The following PCSK5 variants were observed in gnomAD, a reference collection of about 807,000 sequenced individuals.
PCSK5 encodes the protein proprotein convertase subtilisin/kexin type 5.
PCSK5 carries 129 observed loss-of-function variants against 233.2 expected under a neutral mutation model. The ratio of observed to expected loss-of-function variants is 0.55; its 90% CI spans 0.48 to 0.64. The LOEUF is 0.64. Among genes scored for constraint, PCSK5 ranks in the 30% least tolerant of loss-of-function variants. The probability of loss-of-function intolerance (pLI) is 0.00; values close to 1 mark genes in which losing one functional copy is unlikely to be tolerated. For missense variants in PCSK5, 2,076 were observed against 2,430.1 expected, an observed-to-expected ratio of 0.85 and a Z score of 3.06; for synonymous variants, 825 against 879.2, an observed-to-expected ratio of 0.94 and a Z score of 1.09.
intron 4 of PCSK5, among the ~76,000 whole-genome samples, chr9:76,025,651 ATTG>A (rs915891946): frequency 1.3e-5 from 2 of 152,278 alleles, no homozygotes; most frequent in Non-Finnish European, 2.9e-5. Context: ...CTTCTGCCAA[ATTG>A]TTGTAGTGAC....
chr9:76,232,265 C>G (rs547928223), intron 21 of PCSK5, among the ~76,000 whole-genome samples: 1 of 152,314 alleles, frequency 6.6e-6, no homozygotes, highest in East Asian at 1.9e-4. Flanking sequence ...GACATCCTTC[C>G]CTTTCTTCGC....
intron 24 of PCSK5, among the ~76,000 whole-genome samples, chr9:76,260,257 AG>A (rs1827126529): frequency 1.3e-5 from 2 of 152,188 alleles, no homozygotes; most frequent in African/African-American, 4.8e-5. Context: ...CATCTGTAGT[AG>A]GCAGAATAAT....
chr9:76,254,096 C>A (rs1826901384), intron 24 of PCSK5, among the ~76,000 whole-genome samples: 1 of 152,146 alleles, frequency 6.6e-6, no homozygotes, highest in Non-Finnish European at 1.5e-5. Flanking sequence ...GACACTGGCT[C>A]TTAGAGGTTT....
intron 9 of PCSK5, among the ~76,000 whole-genome samples, chr9:76,132,166 G>A (rs369875559): frequency 1.3e-5 from 2 of 152,094 alleles, no homozygotes; most frequent in South Asian, 4.2e-4. Context: ...TCTAATTTCC[G>A]TGACAGTAGT....
At chr9:76,103,240 C>A (rs917053287) in intron 8 of PCSK5, among the ~76,000 whole-genome samples, 1 of 152,164 alleles carries the variant, frequency 6.6e-6, no homozygotes, top group South Asian at 2.1e-4. Context: ...TCTGAAACAG[C>A]TTTCTTGGCA....
At chr9:76,027,084 T>G (rs199755871) in intron 5 of PCSK5, 47 bp downstream of exon 5, 1 of 1,241,602 alleles carries the variant, frequency 8.1e-7, no homozygotes. Flanking sequence ...GCAAGGAGCT[T>G]TGTTTTCTGC....
Position 76,107,223 on chromosome 9 carries a change from A to G in PCSK5, c.1108-28A>G, listed in dbSNP as rs796257106. 11 of 1,509,054 alleles carry G rather than the reference A, an allele frequency of 7.3e-6. No individual in the cohort carries two copies. The African/African-American group carries it at 1.5e-4, about 21-fold the overall frequency. The allele number at this position is 1,509,054 out of a possible 1,614,324, so 93.5% of individuals were successfully genotyped here. ...GCAGGTGACTCACATTGGCCTCAGAAATCTAAACTTTTCACTTTGTTTTCC... is the reference window on the plus strand; with the variant it reads ...GCAGGTGACTCACATTGGCCTCAGAGATCTAAACTTTTCACTTTGTTTTCC... On this transcript the variant is annotated intron_variant, in intron 8 of 37. Coordinates refer to ENST00000674117, the MANE Select transcript of PCSK5 (RefSeq NM_001372043.1).
intron 7 of PCSK5, among the ~76,000 whole-genome samples, chr9:76,089,641 A>G (rs953309317): frequency 6.6e-6 from 1 of 152,232 alleles, no homozygotes; most frequent in East Asian, 1.9e-4. Flanking sequence ...CAAGAAACCT[A>G]GGTCATTTAC....
intron 23 of PCSK5, 100 bp downstream of exon 23, chr9:76,239,265 T>C: frequency 1.0e-6 from 1 of 967,070 alleles, no homozygotes; most frequent in Non-Finnish European, 1.6e-6. Context: ...GGCTTGCATG[T>C]CAGCACTTGG....
At chr9:76,084,879 G>A (rs1444584050) in intron 7 of PCSK5, among the ~76,000 whole-genome samples, 1 of 152,152 alleles carries the variant, frequency 6.6e-6, no homozygotes, top group Non-Finnish European at 1.5e-5. Flanking sequence ...TAGCAGGTTT[G>A]TTTTTCTGCT....
At chr9:76,166,694 A>G (rs2131835813) in intron 12 of PCSK5, among the ~76,000 whole-genome samples, 1 of 152,320 alleles carries the variant, frequency 6.6e-6, no homozygotes, top group African/African-American at 2.4e-5. Context: ...TTATGTGACA[A>G]GTTATTGCTT....
chr9:76,134,339 G>T (rs1822886348), intron 10 of PCSK5, 127 bp downstream of exon 10: 2 of 573,896 alleles, frequency 3.5e-6, no homozygotes, highest in Non-Finnish European at 3.0e-6. Context: ...CAAAGAGCTT[G>T]ATCTTTTAGT....
At chr9:76,322,242 GCCCAGCTGTT>G (rs1829230014) in intron 31 of PCSK5, among the ~76,000 whole-genome samples, 1 of 152,150 alleles carries the variant, frequency 6.6e-6, no homozygotes, top group South Asian at 2.1e-4. Context: ...GAGGCACCAC[GCCCAGCTGTT>G]CCCATCTTTT....
chr9:76,348,706 A>C lies in PCSK5; in HGVS notation c.4967-2122A>C, dbSNP rs1355769150. ...AAAGTACAATACATTATTGTTAATT[A>C]TAGTCACCATGAGATATAATAGATC... On this transcript the variant is annotated intron_variant, in intron 35 of 37. Transcript: ENST00000674117. Among the ~76,000 whole-genome samples the C allele has an allele frequency of 7.2e-5, 11 of 152,266 alleles. No individual in the cohort carries two copies. The East Asian group carries it at 2.1e-3, about 29-fold the overall frequency.
chr9:76,316,051 C>G (rs1444713845), intron 30 of PCSK5, among the ~76,000 whole-genome samples: 2 of 148,572 alleles, frequency 1.3e-5, no homozygotes, highest in South Asian at 2.1e-4. Context: ...CGTGTTGCGT[C>G]TTTTTAGCTC....
At chr9:75,924,465 A>G (rs1366048245) in intron 1 of PCSK5, among the ~76,000 whole-genome samples, 1 of 152,194 alleles carries the variant, frequency 6.6e-6, no homozygotes, top group African/African-American at 2.4e-5. Context: ...TCAGGCTGAC[A>G]TGGTTTCAAA....
At chr9:76,355,366 A>G (rs1055887532) in intron 37 of PCSK5, among the ~76,000 whole-genome samples, 11 of 152,096 alleles carry the variant, frequency 7.2e-5, no homozygotes, top group South Asian at 2.1e-4. Flanking sequence ...CCAGCTACTC[A>G]GGAGGCTGAG....
chr9:76,338,351 A>C lies in PCSK5; in HGVS notation c.4870A>C (p.Lys1624Gln). The C allele has an allele frequency of 6.2e-7, 1 of 1,612,756 alleles. No individual in the cohort carries two copies. The highest frequency in any genetic ancestry group is 2.2e-5 in the East Asian group (1 of 44,874). Residue 1624 changes from lysine (K) to glutamine (Q), a missense_variant, in exon 35 of 38, where the codon AAA (lysine) becomes CAA (glutamine). Physicochemically the swap from Lys to Gln is moderately conservative, Grantham distance 53. Coordinates refer to ENST00000674117, the MANE Select transcript of PCSK5 (RefSeq NM_001372043.1). ...CDRFFFLLRS[K>Q]GECHRSCPDH... The stretch of plus-strand genomic sequence containing the variant: ...TAGATTTTTCTTTCTGCTCCGCTCC[A>C]AAGGAGAGTGTCATCGCTCCTGCCC...
At chr9:76,244,519 A>G (rs964302898) in intron 24 of PCSK5, among the ~76,000 whole-genome samples, 1 of 148,966 alleles carries the variant, frequency 6.7e-6, no homozygotes, top group African/African-American at 2.5e-5. Flanking sequence ...ATTGTGAGAC[A>G]TTTCATCTAC....
Sources: allele counts gnomAD v4.1 joint callset (sites outside exome capture counted in the v4.1 genomes callset), GRCh38; gene constraint gnomAD v4.1.1; transcripts MANE v1.5; gene names NCBI Gene and HGNC (gene_info 2026-07-23, HGNC 2026-07-21).